Variants in TENM3 observed in about 807,000 individuals in gnomAD.
TENM3 encodes teneurin transmembrane protein 3.
In TENM3, 63 loss-of-function variants were observed where a neutral mutation model predicts 255.1. The ratio of observed to expected loss-of-function variants is 0.25; its 90% CI spans 0.20 to 0.30. TENM3 has a LOEUF of 0.30. Ranked by LOEUF, TENM3 falls within the 10% of genes least tolerant of loss-of-function variation. TENM3 has a pLI of 1.00. For missense variants in TENM3, 2,929 were observed against 3,461.1 expected (o/e 0.85, Z 3.86); for synonymous variants, 1,306 against 1,322.3 (o/e 0.99, Z 0.27).
intron 1 of TENM3, among the ~76,000 whole-genome samples, chr4:182,205,765 A>C (rs1754517467): frequency 6.6e-6 from 1 of 152,248 alleles, no homozygotes; most frequent in Non-Finnish European, 1.5e-5. Context: ...CCCCTTGTGG[A>C]AATTTTTATC....
intron 3 of TENM3, among the ~76,000 whole-genome samples, chr4:182,595,306 G>A (rs1747097838): frequency 1.3e-5 from 2 of 151,870 alleles, no homozygotes; most frequent in Admixed American, 1.3e-4. Context: ...ACTGGGGGCC[G>A]GTAAGCTGCT....
the TENM3 span, among the ~76,000 whole-genome samples, chr4:181,457,596 G>C: frequency 2.0e-5 from 3 of 151,672 alleles, no homozygotes; most frequent in Admixed American, 6.6e-5. Flanking sequence ...TCAAAAACAG[G>C]CTTACTGGAG....
At chr4:182,590,776 G>A (rs551569411) in intron 3 of TENM3, among the ~76,000 whole-genome samples, 2 of 151,434 alleles carry the variant, frequency 1.3e-5, no homozygotes, top group Admixed American at 6.6e-5. Context: ...TTGAACCTCA[G>A]AGGCGGAGGT....
rs954492533 is a variant in TENM3 at position 182,347,641 on chromosome 4, T to C, written c.511+712T>C. Among the ~76,000 whole-genome samples the C allele has an allele frequency of 1.1e-4, 17 of 152,344 alleles. No homozygotes were observed. In the South Asian group the frequency reaches 3.5e-3, roughly 32 times the overall value. Reference sequence around the variant, plus strand: ...CTTTATAAATTATTGGGACTTTTTTTTTCCTATTGCCAATGCGGGATGATT... The same window carrying C: ...CTTTATAAATTATTGGGACTTTTTTCTTCCTATTGCCAATGCGGGATGATT... On this transcript the variant is annotated intron_variant, in intron 3 of 27. Coordinates refer to ENST00000511685, the MANE Select transcript of TENM3 (RefSeq NM_001080477.4).
chr4:182,533,870 C>T (rs1051846172), intron 3 of TENM3, among the ~76,000 whole-genome samples: 8 of 151,878 alleles, frequency 5.3e-5, no homozygotes, highest in Non-Finnish European at 1.0e-4. Flanking sequence ...CCAAGATCCA[C>T]TGCACCCCAG....
chr4:182,191,512 G>A (rs1028186718), intron 1 of TENM3, among the ~76,000 whole-genome samples: 1 of 151,982 alleles, frequency 6.6e-6, no homozygotes, highest in African/African-American at 2.4e-5. Flanking sequence ...TTCTCCTTAC[G>A]TACATGTTAC....
intron 1 of TENM3, among the ~76,000 whole-genome samples, chr4:182,249,642 C>G (rs994629773): frequency 6.6e-6 from 1 of 152,264 alleles, no homozygotes; most frequent in South Asian, 2.1e-4. Flanking sequence ...AGTGAGGGCA[C>G]TAAGTGGTGG....
chr4:181,816,347 T>C, the TENM3 span, among the ~76,000 whole-genome samples: 50 of 152,188 alleles, frequency 3.3e-4, no homozygotes, highest in Middle Eastern at 3.2e-3. Context: ...GACATTTTGC[T>C]TTTTAAAATC....
intron 3 of TENM3, among the ~76,000 whole-genome samples, chr4:182,565,535 G>A (rs1171489946): frequency 1.3e-5 from 2 of 152,128 alleles, no homozygotes; most frequent in Non-Finnish European, 2.9e-5. Context: ...ATAAAGCCAA[G>A]TACCTCCAGG....
chr4:182,391,530 G>A (rs904773916), intron 3 of TENM3, among the ~76,000 whole-genome samples: 1 of 152,218 alleles, frequency 6.6e-6, no homozygotes, highest in African/African-American at 2.4e-5. Flanking sequence ...AAATGAGGAC[G>A]CAGCCATGTT....
At chr4:181,748,473 T>C in the TENM3 span, among the ~76,000 whole-genome samples, 3 of 152,118 alleles carry the variant, frequency 2.0e-5, no homozygotes, top group Non-Finnish European at 2.9e-5. Flanking sequence ...CAAACTCACA[T>C]AGTAATCTAT....
chr4:181,757,170 C>A, the TENM3 span, among the ~76,000 whole-genome samples: 1 of 152,144 alleles, frequency 6.6e-6, no homozygotes, highest in Admixed American at 6.6e-5. Context: ...TACTTTACAC[C>A]CATGTGGTTT....
At chr4:181,797,733 A>G in the TENM3 span, among the ~76,000 whole-genome samples, 1 of 152,218 alleles carries the variant, frequency 6.6e-6, no homozygotes, top group Non-Finnish European at 1.5e-5. Context: ...GAATGAGACT[A>G]CTAAAAACTG....
chr4:182,583,815 T>G (rs1745746649), intron 3 of TENM3, among the ~76,000 whole-genome samples: 1 of 152,206 alleles, frequency 6.6e-6, no homozygotes, highest in Non-Finnish European at 1.5e-5. Flanking sequence ...GCATGTGTTT[T>G]CTACAGATAT....
At chr4:182,159,185 AG>A (rs1302882269) in intron 1 of TENM3, among the ~76,000 whole-genome samples, 1 of 152,208 alleles carries the variant, frequency 6.6e-6, no homozygotes, top group African/African-American at 2.4e-5. Flanking sequence ...GGATGGCAGC[AG>A]TGTCTTCAGT....
the TENM3 span, among the ~76,000 whole-genome samples, chr4:181,864,704 G>A: frequency 4.6e-5 from 7 of 152,122 alleles, no homozygotes; most frequent in East Asian, 1.9e-4. Context: ...GGGTTAAACC[G>A]CCCGTATAGG....
chr4:182,612,130 G>C (rs1749055360), intron 4 of TENM3, among the ~76,000 whole-genome samples: 1 of 151,946 alleles, frequency 6.6e-6, no homozygotes, highest in South Asian at 2.1e-4. Context: ...AAATTAGCCG[G>C]GCGTGGTGGC....
At chr4:181,821,049 G>A in the TENM3 span, among the ~76,000 whole-genome samples, 1 of 152,136 alleles carries the variant, frequency 6.6e-6, no homozygotes, top group South Asian at 2.1e-4. Flanking sequence ...AATATTCTCT[G>A]AGGAATTCCA....
intron 12 of TENM3, among the ~76,000 whole-genome samples, chr4:182,701,591 T>C (rs890727841): frequency 2.0e-5 from 3 of 152,050 alleles, no homozygotes; most frequent in African/African-American, 7.2e-5. Flanking sequence ...AATACATTGG[T>C]ATAGATAAGG....
Sources: allele counts gnomAD v4.1 joint callset (sites outside exome capture counted in the v4.1 genomes callset), GRCh38; gene constraint gnomAD v4.1.1; transcripts MANE v1.5; gene names NCBI Gene and HGNC (gene_info 2026-07-23, HGNC 2026-07-21).